Variants in HSPG2 observed in about 807,000 individuals in gnomAD.
HSPG2 encodes the protein heparan sulfate proteoglycan 2.
Under a neutral mutation model 526.6 loss-of-function variants are expected in HSPG2, and 278 were observed. That is an observed-to-expected ratio of 0.53 (90% CI 0.48 to 0.58). The LOEUF is 0.58. Among genes scored for constraint, HSPG2 ranks in the 20% least tolerant of loss-of-function variants. HSPG2 has a pLI of 0.00. For missense variants in HSPG2, 5,354 were observed against 6,099.5 expected (o/e 0.88, Z 4.07); for synonymous variants, 2,465 against 2,555.4 (o/e 0.96, Z 1.07).
chr1:21,909,344 T>A (rs1458150088), intron 1 of HSPG2, among the ~76,000 whole-genome samples: 1 of 151,508 alleles, frequency 6.6e-6, no homozygotes, highest in African/African-American at 2.4e-5. Context: ...GAGCCTGGAG[T>A]GAGGCAAGCA....
intron 39 of HSPG2, 43 bp downstream of exon 39, chr1:21,861,714 C>A: frequency 6.5e-7 from 1 of 1,550,170 alleles, no homozygotes; most frequent in Non-Finnish European, 8.9e-7. Context: ...GGGAGTCCAC[C>A]ATTTGTCCTC....
intron 1 of HSPG2, among the ~76,000 whole-genome samples, chr1:21,905,296 CTT>C (rs1476428606): frequency 6.6e-6 from 1 of 151,292 alleles, no homozygotes; most frequent in Non-Finnish European, 1.5e-5. Flanking sequence ...GCTCCAACCT[CTT>C]TTGCTACTGT....
In HSPG2 at chr1:21,937,208, G is replaced by T. The variant is rs1470182358; in HGVS notation, c.10C>A (p.Arg4=). The T allele has an allele frequency of 9.7e-7, 1 of 1,032,098 alleles. No individual in the cohort carries two copies. The highest frequency in any genetic ancestry group is 1.2e-6 in the Non-Finnish European group (1 of 848,072). 63.9% of individuals were successfully genotyped at this position (1,032,098 alleles called of 1,614,324 possible). A position where few individuals can be genotyped will look rare whatever the true frequency, so the allele number is the denominator to read the frequency against. MGW[R]AAGALLLALL... ...GCCAGCAGCAGCGCGCCCGCCGCCCGCCACCCCATGGCCCGGCCCGCGCCG... is the reference window on the plus strand; with the variant it reads ...GCCAGCAGCAGCGCGCCCGCCGCCCTCCACCCCATGGCCCGGCCCGCGCCG... The change falls in exon 1 of 97, where the codon CGG becomes AGG. Residue 4 remains arginine, a synonymous_variant. Coordinates refer to ENST00000374695, the MANE Select transcript of HSPG2 (RefSeq NM_005529.7).
At chr1:21,871,347 C>T (rs532024684) in intron 33 of HSPG2, among the ~76,000 whole-genome samples, 1 of 151,828 alleles carries the variant, frequency 6.6e-6, no homozygotes, top group South Asian at 2.1e-4. Context: ...GCAACCTCCC[C>T]ATCCTGGGTA....
intron 13 of HSPG2, 68 bp downstream of exon 13, chr1:21,884,460 C>T: frequency 1.2e-6 from 2 of 1,600,316 alleles, no homozygotes. Flanking sequence ...CATCTATCCT[C>T]TGTGCCCCCT....
At chr1:21,863,094 T>C (rs1470550390) in intron 37 of HSPG2, among the ~76,000 whole-genome samples, 9 of 89,080 alleles carry the variant, frequency 1.0e-4, no homozygotes, top group Admixed American at 7.3e-4. Flanking sequence ...AAAAAGAGGC[T>C]GGGTGTGGTG....
chr1:21,874,771 G>T (rs372109121), intron 26 of HSPG2, 42 bp from the exon 27 acceptor site: 5 of 1,536,454 alleles, frequency 3.3e-6, no homozygotes, highest in Non-Finnish European at 4.4e-6. Context: ...TTCCGAACAC[G>T]GCCCATTCAG....
In HSPG2 at chr1:21,873,047, G is replaced by C; in HGVS notation, c.3838C>G (p.Gln1280Glu). ...TCACACTGGCTGCTGACGCTGCCTT[G>C]GGGGTCACAGTTGCAGCCTATGGGC... Reference protein sequence around the residue: ...PGPIGCNCDPQGSVSSQCDAA... With the variant: ...PGPIGCNCDPEGSVSSQCDAA... The change falls in exon 31 of 97, where the codon CAA becomes GAA. Residue 1280 changes from glutamine (Q) to glutamate (E), a missense_variant. By Grantham distance (29) the Gln-to-Glu change is conservative. Transcript: ENST00000374695. The C allele has an allele frequency of 6.2e-7, 1 of 1,604,936 alleles. No individual in the cohort carries two copies. The highest frequency in any genetic ancestry group is 8.5e-7 in the Non-Finnish European group (1 of 1,179,952).
At chr1:21,914,799 T>C (rs1308215501) in intron 1 of HSPG2, among the ~76,000 whole-genome samples, 1 of 152,170 alleles carries the variant, frequency 6.6e-6, no homozygotes, top group Non-Finnish European at 1.5e-5. Flanking sequence ...CTCTGGCATC[T>C]CAGGCCAAAG....
Position 21,872,793 on chromosome 1 carries a change from G to T in HSPG2, c.3889-33C>A. On this transcript the variant is annotated intron_variant, in intron 31 of 96. Transcript: ENST00000374695. The surrounding 1 kb of genome is among the most constrained non-coding windows in gnomAD (Gnocchi z 5.5). ...GACGGATGGAAGGAGGCAGGCAGGG[G>T]ACTCAGTGGGTCTCCTGCACCCCCA... is the stretch of plus-strand genomic sequence containing the variant. The T allele has an allele frequency of 6.2e-7, 1 of 1,601,690 alleles. No homozygotes were observed. The highest frequency in any genetic ancestry group is 2.3e-5 in the East Asian group (1 of 44,374).
chr1:21,837,373 C>T (rs965967068), intron 74 of HSPG2, among the ~76,000 whole-genome samples: 11 of 152,082 alleles, frequency 7.2e-5, no homozygotes, highest in Admixed American at 5.2e-4. Context: ...GTCCACCTCC[C>T]GGGTTCAAGC....
rs767204169 is a variant in HSPG2 at position 21,875,035 on chromosome 1, T to G, written c.3303-33A>C. On this transcript the variant is annotated intron_variant, in intron 25 of 96. Transcript: ENST00000374695. ...TGACAAGACCCAGCGTGAATAGGAG[T>G]GCTGGCTCTGTGCCAGGCACGCCTG... The G allele has an allele frequency of 6.1e-6, 9 of 1,483,824 alleles. No individual in the cohort carries two copies. The African/African-American group carries it at 8.3e-5, about 14-fold the overall frequency. The allele number at this position is 1,483,824 out of a possible 1,614,324, so 91.9% of individuals were successfully genotyped here.
rs766041395 is a variant in HSPG2, at chr1:21,833,938, G to C, written c.10721-13C>G. 7.8e-6 allele frequency: 12 copies of C among 1,546,110 alleles called. No individual in the cohort carries two copies. The highest frequency in any genetic ancestry group is 1.1e-5 in the Non-Finnish European group (12 of 1,135,856). On this transcript the variant is annotated splice_polypyrimidine_tract_variant and intron_variant, in intron 77 of 96. Coordinates refer to ENST00000374695, the MANE Select transcript of HSPG2 (RefSeq NM_005529.7). ...ATCTGGGGCAAGGCTGAGAGGCATGGAAGAGACATAGGCCATCAACATGAC... is the reference window on the plus strand; with the variant it reads ...ATCTGGGGCAAGGCTGAGAGGCATGCAAGAGACATAGGCCATCAACATGAC...
chr1:21,932,666 G>C (rs577002584), intron 1 of HSPG2, among the ~76,000 whole-genome samples: 121 of 152,354 alleles, frequency 7.9e-4, no homozygotes, highest in Middle Eastern at 3.4e-3. Context: ...GTAAGGACCA[G>C]AAAGAGGGAG....
chr1:21,882,908 C>G (rs933351986), intron 13 of HSPG2, among the ~76,000 whole-genome samples: 1 of 152,174 alleles, frequency 6.6e-6, no homozygotes, highest in Non-Finnish European at 1.5e-5. Flanking sequence ...GCTCCTCACC[C>G]GCAGAATGAC....
At chr1:21,823,854 C>T (rs1050246527) in intron 95 of HSPG2, 135 bp from the exon 96 acceptor site, 1 of 791,956 alleles carries the variant, frequency 1.3e-6, no homozygotes, top group African/African-American at 1.7e-5. Flanking sequence ...CTTTCTTTCC[C>T]CCGCTGAACG....
rs183329264 is a variant in HSPG2, at chr1:21,862,039, G to A, written c.4817C>T (p.Thr1606Met). 33 of 1,614,140 alleles carry A rather than the reference G, an allele frequency of 2.0e-5. No individual in the cohort carries two copies. Among genetic ancestry groups the A allele is most frequent in the African/African-American group, 1.1e-4 (8 of 75,058 alleles). The change falls in exon 38 of 97, where the codon ACG becomes ATG. Residue 1606 changes from threonine to methionine, a missense_variant. Transcript: ENST00000374695. ...PGYYGDATAGTPEDCQPCACP... is the reference protein window; with the variant it reads ...PGYYGDATAGMPEDCQPCACP... ...GGCACAGGGCTGGCAGTCCTCAGGC[G>A]TCCCGGCTGTGGCATCTCCGTAGTA...
At position 21,854,719 on chromosome 1, in the gene HSPG2, A is replaced by AG; in HGVS notation, c.6179dup (p.Ser2061PhefsTer30). On this transcript the variant is annotated frameshift_variant, in exon 49 of 97. Coordinates refer to ENST00000374695, the MANE Select transcript of HSPG2 (RefSeq NM_005529.7). LOFTEE classifies it high-confidence loss of function. ...CGAGTGTTTGCCCTTCTGTCACAGAAGGCGATGAGGACTCAATCTTGACCG... is the reference window on the plus strand; with the variant it reads ...CGAGTGTTTGCCCTTCTGTCACAGAAGGGCGATGAGGACTCAATCTTGACCG... 1 of 1,613,432 alleles carries AG rather than the reference A, an allele frequency of 6.2e-7. No homozygotes were observed. Among genetic ancestry groups the AG allele is most frequent in the East Asian group, 2.2e-5 (1 of 44,868 alleles).
Position 21,834,728 on chromosome 1 carries a change from G to T in HSPG2, c.10671C>A (p.Ala3557=). ...LADAGQYRCT[A]TNAAGTTQSH... ...ATTGTGTGGTGCCAGCTGCGTTGGT[G>T]GCAGTGCAGCGATACTGTCCCGCAT... is the stretch of plus-strand genomic sequence containing the variant. Residue 3557 remains alanine, a synonymous_variant, in exon 77 of 97, where the codon GCC becomes GCA. Coordinates refer to ENST00000374695, the MANE Select transcript of HSPG2 (RefSeq NM_005529.7). 1 of 1,614,182 alleles carries T rather than the reference G, an allele frequency of 6.2e-7. No homozygotes were observed. The highest frequency in any genetic ancestry group is 1.1e-5 in the South Asian group (1 of 91,084).
Sources: allele counts gnomAD v4.1 joint callset (sites outside exome capture counted in the v4.1 genomes callset), GRCh38; gene constraint gnomAD v4.1.1; non-coding constraint Gnocchi (gnomAD v3.1); transcripts MANE v1.5; gene names NCBI Gene and HGNC (gene_info 2026-07-23, HGNC 2026-07-21).